SPAG17: variants seen among roughly 807,000 people sequenced by gnomAD.
SPAG17 encodes the protein sperm-associated antigen 17.
A neutral mutation model predicts 273.6 loss-of-function variants in SPAG17; 169 were observed. That is an observed-to-expected ratio of 0.62 (90% CI 0.55 to 0.70). SPAG17 has a LOEUF of 0.70. Among genes scored for constraint, SPAG17 ranks in the 30% least tolerant of loss-of-function variants. The probability of loss-of-function intolerance (pLI) is 0.00; values close to 1 mark genes in which losing one functional copy is unlikely to be tolerated. For synonymous variants in SPAG17, 825 were observed against 873.2 expected, an observed-to-expected ratio of 0.94 and a Z score of 0.97; for missense variants, 2,557 against 2,627.8, an observed-to-expected ratio of 0.97 and a Z score of 0.59.
intron 17 of SPAG17, among the ~76,000 whole-genome samples, chr1:118,072,386 T>C (rs949081776): frequency 1.3e-5 from 2 of 152,248 alleles, no homozygotes; most frequent in African/African-American, 4.8e-5. Flanking sequence ...AACAGGTATC[T>C]AACTGGAAAG....
At position 118,146,900 on chromosome 1, in the gene SPAG17, C is replaced by T. The variant is rs185544815; in HGVS notation, c.315+3643G>A. ...ATGTAATATATGTAAAAGATCAAAA[C>T]TATCAGGACCTTTCCTTTCAAATGG... is the stretch of plus-strand genomic sequence containing the variant. On this transcript the variant is annotated intron_variant, in intron 3 of 48. Transcript: ENST00000336338. 4.7e-3 allele frequency among the ~76,000 whole-genome samples: 710 copies of T among 152,242 alleles called. 11 individuals are homozygous for T. Among genetic ancestry groups the T allele is most frequent in the Non-Finnish European group, 3.7e-3 (252 of 68,010 alleles).
chr1:117,953,978 T>C lies in SPAG17; in HGVS notation c.*72A>G. On this transcript the variant is annotated 3_prime_UTR_variant, in exon 49 of 49. Coordinates refer to ENST00000336338, the MANE Select transcript of SPAG17 (RefSeq NM_206996.4). ...CCTGGGATGATGGAGTATGTTGTGA[T>C]GACTTCTTTCCTTTCTCATCCTCTG... The C allele has an allele frequency of 6.3e-7, 1 of 1,581,856 alleles. No homozygotes were observed. The highest frequency in any genetic ancestry group is 8.6e-7 in the Non-Finnish European group (1 of 1,159,908).
chr1:118,177,456 C>CAT (rs1230201699), intron 1 of SPAG17, among the ~76,000 whole-genome samples: 2 of 152,092 alleles, frequency 1.3e-5, no homozygotes, highest in East Asian at 3.9e-4. Flanking sequence ...ATGGGGATTA[C>CAT]AATTCAAGGT....
Position 118,086,044 on chromosome 1 carries a change from A to G in SPAG17, c.1640T>C (p.Ile547Thr), listed in dbSNP as rs528339984. The G allele has an allele frequency of 5.0e-6, 8 of 1,613,700 alleles. No homozygotes were observed. Among genetic ancestry groups the G allele is most frequent in the South Asian group, 2.2e-5 (2 of 90,962 alleles). The change falls in exon 13 of 49, where the codon ATT (isoleucine) becomes ACT (threonine). Residue 547 changes from isoleucine to threonine, a missense_variant. Transcript: ENST00000336338. Reference protein sequence around the residue: ...QDQKNFDPVQIEQEMQSKLPL... With the variant: ...QDQKNFDPVQTEQEMQSKLPL... ...CAACTTGGACTGCATCTCCTGCTCA[A>G]TTTGAACTGGATCAAAATTCTTTTG...
At chr1:118,082,689 G>A (rs977438214) in intron 13 of SPAG17, among the ~76,000 whole-genome samples, 3 of 152,152 alleles carry the variant, frequency 2.0e-5, no homozygotes, top group African/African-American at 7.2e-5. Context: ...ATGACAAAAA[G>A]AATAAAGCCA....
At chr1:118,031,591 C>G in intron 25 of SPAG17, 101 bp downstream of exon 25, 2 of 1,198,082 alleles carry the variant, frequency 1.7e-6, no homozygotes, top group Non-Finnish European at 2.4e-6. Flanking sequence ...CACAATAAAA[C>G]GTATGCACTA....
chr1:118,139,300 G>T (rs1280318935), intron 3 of SPAG17, among the ~76,000 whole-genome samples: 19 of 152,014 alleles, frequency 1.2e-4, no homozygotes, highest in Non-Finnish European at 2.8e-4. Context: ...TTTTCAAAAA[G>T]ATGAAAGATA....
Position 118,093,176 on chromosome 1 carries a change from C to T in SPAG17, c.1153G>A (p.Glu385Lys). 1 of 1,613,578 alleles carries T rather than the reference C, an allele frequency of 6.2e-7. No homozygotes were observed. Among genetic ancestry groups the T allele is most frequent in the Non-Finnish European group, 8.5e-7 (1 of 1,179,714 alleles). The change falls in exon 8 of 49, where the codon GAA becomes AAA. Residue 385 changes from glutamate (E) to lysine (K), a missense_variant. Physicochemically the swap from Glu to Lys is moderately conservative, Grantham distance 56 (BLOSUM62 1). Coordinates refer to ENST00000336338, the MANE Select transcript of SPAG17 (RefSeq NM_206996.4). ...PQVVNEKPVL[E>K]AMPTSEAPQP... Reference sequence around the variant, plus strand: ...CCTACCTCTGAAGTTGGCATGGCTTCTAATACAGGTTTCTCATTAACCACT... The same window carrying T: ...CCTACCTCTGAAGTTGGCATGGCTTTTAATACAGGTTTCTCATTAACCACT...
chr1:117,971,476 A>G (rs1284652915), intron 45 of SPAG17, among the ~76,000 whole-genome samples: 2 of 152,260 alleles, frequency 1.3e-5, no homozygotes, highest in African/African-American at 4.8e-5. Flanking sequence ...ATGTGCAAAC[A>G]AACATCAGCT....
At chr1:118,019,002 C>CCA (rs916283054) in intron 28 of SPAG17, among the ~76,000 whole-genome samples, 1 of 143,852 alleles carries the variant, frequency 7.0e-6, no homozygotes, top group Non-Finnish European at 1.5e-5. Context: ...CCACCACACT[C>CCA]CAGCCTGGGT....
chr1:118,140,444 C>T (rs1164652932), intron 3 of SPAG17, among the ~76,000 whole-genome samples: 1 of 152,032 alleles, frequency 6.6e-6, no homozygotes, highest in Non-Finnish European at 1.5e-5. Context: ...ATTATAACAC[C>T]ACTTTTTACC....
chr1:118,074,556 C>G lies in SPAG17; in HGVS notation c.2254G>C (p.Ala752Pro). ...NEIKDDAVTKADSHEKKPKKM... is the reference protein window; with the variant it reads ...NEIKDDAVTKPDSHEKKPKKM... Reference sequence around the variant, plus strand: ...TTCCTTACCTTTTCATGAGAATCAGCCTTTGTGACTGCATCATCTTTGATC... The same window carrying G: ...TTCCTTACCTTTTCATGAGAATCAGGCTTTGTGACTGCATCATCTTTGATC... Residue 752 changes from alanine to proline, a missense_variant, in exon 16 of 49, where the codon GCT (alanine) becomes CCT (proline). Ala to Pro is a conservative substitution (Grantham distance 27, BLOSUM62 -1). Transcript: ENST00000336338. 1 of 1,613,572 alleles carries G rather than the reference C, an allele frequency of 6.2e-7. No homozygotes were observed. The highest frequency in any genetic ancestry group is 1.1e-5 in the South Asian group (1 of 91,076).
chr1:118,141,525 C>T (rs1156472306), intron 3 of SPAG17, among the ~76,000 whole-genome samples: 1 of 152,142 alleles, frequency 6.6e-6, no homozygotes, highest in East Asian at 1.9e-4. Context: ...ATACAATTTT[C>T]TTGTGGTAAA....
At chr1:118,156,416 A>G (rs1004419430) in intron 1 of SPAG17, among the ~76,000 whole-genome samples, 2 of 152,230 alleles carry the variant, frequency 1.3e-5, no homozygotes, top group Admixed American at 6.5e-5. Flanking sequence ...GCTAGAATGT[A>G]GCATGTCAGG....
intron 10 of SPAG17, among the ~76,000 whole-genome samples, chr1:118,087,922 C>A (rs1187142358): frequency 2.0e-5 from 3 of 152,174 alleles, no homozygotes; most frequent in African/African-American, 4.8e-5. Flanking sequence ...GCAAGTAGCA[C>A]CCTTCCAGTT....
chr1:117,956,448 G>T (rs994912438), intron 48 of SPAG17, among the ~76,000 whole-genome samples: 5 of 152,132 alleles, frequency 3.3e-5, no homozygotes, highest in African/African-American at 1.2e-4. Context: ...GGATAAAGAT[G>T]AAACTTCACT....
intron 32 of SPAG17, among the ~76,000 whole-genome samples, chr1:117,998,533 T>C (rs1440811598): frequency 6.6e-6 from 1 of 150,954 alleles, no homozygotes; most frequent in Non-Finnish European, 1.5e-5. Context: ...CTTTGGCTAT[T>C]TGGGCTCTTT....
chr1:118,012,469 G>A, intron 29 of SPAG17, 97 bp from the exon 30 acceptor site: 2 of 1,364,936 alleles, frequency 1.5e-6, no homozygotes, highest in Non-Finnish European at 2.0e-6. Context: ...CACCATCAAA[G>A]TCCTAGTTAT....
rs182214492 is a variant in SPAG17 at position 118,035,668 on chromosome 1, T to C, written c.3433+1102A>G. Among the ~76,000 whole-genome samples the C allele has an allele frequency of 3.5e-3, 532 of 152,250 alleles. 2 individuals carry two copies. The highest frequency in any genetic ancestry group is 6.6e-3 in the Non-Finnish European group (448 of 68,018). On this transcript the variant is annotated intron_variant, in intron 24 of 48. Transcript: ENST00000336338. ...TTATCTCTGCAAAAAAGAAACTATA[T>C]AGAAAGACAGGTAATTGGATCACTA...
Sources: gnomAD v4.1 joint callset for allele counts (sites outside exome capture counted in the v4.1 genomes callset) on GRCh38, gnomAD v4.1.1 for gene constraint, MANE v1.5 for transcripts, NCBI Gene and HGNC (gene_info 2026-07-23, HGNC 2026-07-21) for gene names.